RB1CC1: variants seen among roughly 807,000 people sequenced by gnomAD.
RB1CC1 encodes RB1-inducible coiled-coil protein 1.
In RB1CC1, 46 loss-of-function variants were observed where a neutral mutation model predicts 177.5. The observed-to-expected ratio is 0.26, with a 90% CI of 0.20 to 0.33. RB1CC1 has a LOEUF of 0.33. Among genes scored for constraint, RB1CC1 ranks in the 10% least tolerant of loss-of-function variants. The pLI, the probability that RB1CC1 is intolerant of heterozygous loss-of-function variation, is 1.00. For synonymous variants in RB1CC1, 666 were observed against 613.6 expected, an observed-to-expected ratio of 1.09 and a Z score of -1.26; for missense variants, 1,703 against 1,816.3, an observed-to-expected ratio of 0.94 and a Z score of 1.13.
intron 13 of RB1CC1, 81 bp downstream of exon 13, chr8:52,658,792 A>C (rs576338348): frequency 2.2e-6 from 2 of 922,606 alleles, no homozygotes; most frequent in Non-Finnish European, 3.2e-6. Context: ...TCTTAAGATT[A>C]CTGGTACTAC....
chr8:52,683,023 T>G (rs1426478979), intron 5 of RB1CC1, among the ~76,000 whole-genome samples: 1 of 152,158 alleles, frequency 6.6e-6, no homozygotes, highest in African/African-American at 2.4e-5. Context: ...AAAAGAAAAA[T>G]GTAGCTTACC....
chr8:52,713,938 T>C (rs1857280914), intron 1 of RB1CC1, 137 bp downstream of exon 1: 1 of 196,410 alleles, frequency 5.1e-6, no homozygotes, highest in Non-Finnish European at 1.1e-5. Flanking sequence ...GGCCCTCCCG[T>C]GCACACACCT....
At chr8:52,649,807 T>G (rs1850408403) in intron 15 of RB1CC1, among the ~76,000 whole-genome samples, 2 of 152,216 alleles carry the variant, frequency 1.3e-5, no homozygotes, top group Non-Finnish European at 2.9e-5. Context: ...CCACTCTTAT[T>G]TCTTTGTACA....
chr8:52,675,306 C>A (rs939936207), intron 6 of RB1CC1, among the ~76,000 whole-genome samples: 21 of 151,440 alleles, frequency 1.4e-4, no homozygotes, highest in Admixed American at 6.6e-5. Context: ...ATCAAAGAAA[C>A]AAAAAGACAA....
In RB1CC1 at chr8:52,657,036, A is replaced by G. The variant is rs1289244175; in HGVS notation, c.2793T>C (p.Asp931=). ...TATTTTCCATCTCTAACAACTTCTG[A>G]TCCTTTTCATTCTGCAGGCAGATTA... is the stretch of plus-strand genomic sequence containing the variant. The part of the protein sequence containing the change: ...EAVICLQNEK[D]QKLLEMENIM... Residue 931 remains aspartate, a synonymous_variant, in exon 15 of 24, where the codon GAT becomes GAC. Coordinates refer to ENST00000025008, the MANE Select transcript of RB1CC1 (RefSeq NM_014781.5). The G allele has an allele frequency of 6.2e-7, 1 of 1,613,334 alleles. No individual in the cohort carries two copies. Among genetic ancestry groups the G allele is most frequent in the South Asian group, 1.1e-5 (1 of 90,942 alleles).
chr8:52,655,256 T>C (rs543226890), intron 15 of RB1CC1, among the ~76,000 whole-genome samples: 1 of 152,254 alleles, frequency 6.6e-6, no homozygotes, highest in Non-Finnish European at 1.5e-5. Context: ...TGTATAAAAG[T>C]GATAAGGCAA....
At chr8:52,699,830 A>AAATATAT (rs1554557119) in intron 1 of RB1CC1, among the ~76,000 whole-genome samples, 5 of 26,726 alleles carry the variant, frequency 1.9e-4, no homozygotes, top group Non-Finnish European at 3.1e-4. Flanking sequence ...AAAAAAAAAA[A>AAATATAT]ATATATATAT....
intron 1 of RB1CC1, among the ~76,000 whole-genome samples, chr8:52,702,344 CAA>C (rs1177597633): frequency 6.6e-6 from 1 of 152,074 alleles, no homozygotes; most frequent in Non-Finnish European, 1.5e-5. Context: ...TAATCTAAGT[CAA>C]AGTTATAAAA....
chr8:52,685,501 C>T lies in RB1CC1; in HGVS notation c.-32G>A. 1 of 1,357,582 alleles carries T rather than the reference C, an allele frequency of 7.4e-7. No homozygotes were observed. The highest frequency in any genetic ancestry group is 1.0e-6 in the Non-Finnish European group (1 of 960,298). The allele number at this position is 1,357,582 out of a possible 1,614,324, so 84.1% of individuals were successfully genotyped here. On this transcript the variant is annotated 5_prime_UTR_variant, in exon 3 of 24. Transcript: ENST00000025008. Reference sequence around the variant, plus strand: ...TTATCTGAATTCTGTGAGCTTATACCTCACCCTCTGATACAGTTACTAGAA... The same window carrying T: ...TTATCTGAATTCTGTGAGCTTATACTTCACCCTCTGATACAGTTACTAGAA...
intron 16 of RB1CC1, among the ~76,000 whole-genome samples, chr8:52,643,524 C>T (rs1254534369): frequency 1.3e-5 from 2 of 151,412 alleles, no homozygotes; most frequent in Non-Finnish European, 2.9e-5. Context: ...AACACAAGAT[C>T]GAGTCTCTAC....
chr8:52,687,835 C>T (rs541924621), intron 1 of RB1CC1, among the ~76,000 whole-genome samples: 1 of 152,318 alleles, frequency 6.6e-6, no homozygotes, highest in South Asian at 2.1e-4. Flanking sequence ...TTCAAACAAT[C>T]AAGTTTACTG....
At chr8:52,682,637 TTTAAC>T (rs1223051198) in intron 5 of RB1CC1, among the ~76,000 whole-genome samples, 4 of 152,180 alleles carry the variant, frequency 2.6e-5, no homozygotes, top group Non-Finnish European at 4.4e-5. Context: ...CTAGTTATCC[TTTAAC>T]TTATTTTCAT....
intron 5 of RB1CC1, among the ~76,000 whole-genome samples, chr8:52,683,271 T>C (rs190726506): frequency 9.2e-5 from 14 of 152,180 alleles, no homozygotes; most frequent in African/African-American, 3.4e-4. Flanking sequence ...CCTTTATTAA[T>C]TAATGTTCAA....
intron 1 of RB1CC1, among the ~76,000 whole-genome samples, chr8:52,696,264 G>A (rs1480099129): frequency 6.6e-6 from 1 of 151,700 alleles, no homozygotes. Context: ...GGATGGTCTC[G>A]AACTCCTGAC....
At chr8:52,710,731 TTA>T (rs1856992074) in intron 1 of RB1CC1, among the ~76,000 whole-genome samples, 2 of 152,168 alleles carry the variant, frequency 1.3e-5, no homozygotes, top group South Asian at 4.2e-4. Context: ...AAATATAGAA[TTA>T]TATAAGACAG....
At chr8:52,651,381 C>T (rs1235499526) in intron 15 of RB1CC1, among the ~76,000 whole-genome samples, 1 of 152,226 alleles carries the variant, frequency 6.6e-6, no homozygotes, top group African/African-American at 2.4e-5. Flanking sequence ...TGCTGTCTTG[C>T]TAAAATGGTA....
At chr8:52,676,972 A>G (rs893033641) in intron 5 of RB1CC1, among the ~76,000 whole-genome samples, 7 of 152,226 alleles carry the variant, frequency 4.6e-5, no homozygotes, top group Non-Finnish European at 1.0e-4. Context: ...CTAGATTAGT[A>G]TAACTATAAC....
At chr8:52,638,442 C>T (rs1238681226) in intron 18 of RB1CC1, among the ~76,000 whole-genome samples, 1 of 152,004 alleles carries the variant, frequency 6.6e-6, no homozygotes, top group Non-Finnish European at 1.5e-5. Flanking sequence ...ATATATTTGT[C>T]TGATTTGGTA....
chr8:52,661,713 A>C lies in RB1CC1; in HGVS notation c.1180T>G (p.Leu394Val), dbSNP rs772146991. The change falls in exon 9 of 24, where the codon TTA (leucine) becomes GTA (valine). Residue 394 changes from leucine (L) to valine (V), a missense_variant. Transcript: ENST00000025008. ...NEQKELAQGF[L>V]ANQKRAENLK... Reference sequence around the variant, plus strand: ...TTTTCAGCTCTCTTCTGATTAGCTAAAAATCCCTTTGAGAAAAAAAATGTT... The same window carrying C: ...TTTTCAGCTCTCTTCTGATTAGCTACAAATCCCTTTGAGAAAAAAAATGTT... The C allele has an allele frequency of 6.4e-7, 1 of 1,553,740 alleles. No homozygotes were observed. Among genetic ancestry groups the C allele is most frequent in the Non-Finnish European group, 8.7e-7 (1 of 1,153,350 alleles).
Sources: gnomAD v4.1 joint callset for allele counts (sites outside exome capture counted in the v4.1 genomes callset) on GRCh38, gnomAD v4.1.1 for gene constraint, MANE v1.5 for transcripts, NCBI Gene and HGNC (gene_info 2026-07-23, HGNC 2026-07-21) for gene names.